The following TBCE variants were observed in gnomAD, a reference collection of about 807,000 sequenced individuals.
The protein encoded by TBCE is tubulin-specific chaperone E.
Under a neutral mutation model 77.0 loss-of-function variants are expected in TBCE, and 53 were observed. The observed-to-expected ratio is 0.69, with a 90% CI of 0.55 to 0.87. The LOEUF (loss-of-function observed/expected upper bound fraction) is 0.87. TBCE is among the 40% of genes least tolerant of loss of function. TBCE has a pLI of 0.00. For synonymous variants in TBCE, 235 were observed against 241.3 expected, an observed-to-expected ratio of 0.97 and a Z score of 0.24; for missense variants, 624 against 622.4, an observed-to-expected ratio of 1.00 and a Z score of -0.03.
At position 235,450,475 on chromosome 1, in the gene TBCE, A is replaced by C; in HGVS notation, c.*1713A>C. 1 of 1,155,410 alleles carries C rather than the reference A, an allele frequency of 8.7e-7. No homozygotes were observed. Among genetic ancestry groups the C allele is most frequent in the Admixed American group, 2.2e-5 (1 of 44,930 alleles). The allele number at this position is 1,155,410 out of a possible 1,614,324, so 71.6% of individuals were successfully genotyped here. On this transcript the variant is annotated 3_prime_UTR_variant, in exon 17 of 17. Coordinates refer to ENST00000642610, the MANE Select transcript of TBCE (RefSeq NM_003193.5). ...TCAAGGATAACTCCGTGTGTGGAACAACTGGTGAGGTTTGGGGGTGGCACC... is the reference window on the plus strand; with the variant it reads ...TCAAGGATAACTCCGTGTGTGGAACCACTGGTGAGGTTTGGGGGTGGCACC...
chr1:235,422,008 G>GGTCTCTGCCT lies in TBCE; in HGVS notation c.460+2457_460+2466dup, dbSNP rs1203717057. Among the ~76,000 whole-genome samples the GGTCTCTGCCT allele has an allele frequency of 2.6e-5, 4 of 152,188 alleles. No individual in the cohort carries two copies. In the South Asian group the frequency reaches 8.3e-4, roughly 31 times the overall value. On this transcript the variant is annotated intron_variant, in intron 5 of 16. Coordinates refer to ENST00000642610, the MANE Select transcript of TBCE (RefSeq NM_003193.5). ...TGTTGGGACCTGTGGTAGCTGCACA[G>GGTCTCTGCCT]GTCTCTGCCTGTCTCTGCCAGTCTC...
chr1:235,442,314 G>C (rs1231449853), intron 14 of TBCE, among the ~76,000 whole-genome samples: 1 of 152,172 alleles, frequency 6.6e-6, no homozygotes, highest in Non-Finnish European at 1.5e-5. Flanking sequence ...GGGATTACAG[G>C]CATGCGCCAC....
Position 235,424,193 on chromosome 1 carries a change from G to A in TBCE, c.461-2947G>A, listed in dbSNP as rs78291548. Among the ~76,000 whole-genome samples, 408 of 152,136 alleles carry A rather than the reference G, an allele frequency of 2.7e-3. 4 individuals are homozygous for A. Among genetic ancestry groups the A allele is most frequent in the African/African-American group, 9.0e-3 (375 of 41,498 alleles). On this transcript the variant is annotated intron_variant, in intron 5 of 16. Coordinates refer to ENST00000642610, the MANE Select transcript of TBCE (RefSeq NM_003193.5). ...ACAGCTCTGTGACTGCTGTGCCACC[G>A]TTTGTTCTGCTATGAGAAAGCAAAA...
chr1:235,370,549 C>CCT (rs1413688761), intron 1 of TBCE, among the ~76,000 whole-genome samples: 6 of 139,164 alleles, frequency 4.3e-5, no homozygotes, highest in African/African-American at 1.8e-4. Context: ...CTGCACCCGG[C>CCT]ATTTTTTTTT....
intron 2 of TBCE, among the ~76,000 whole-genome samples, chr1:235,392,484 C>T (rs966407843): frequency 9.0e-5 from 13 of 145,104 alleles, no homozygotes; most frequent in Non-Finnish European, 1.8e-4. Context: ...GATCTTGGCT[C>T]ACTGCAACCT....
At chr1:235,441,520 C>T (rs557194044) in intron 13 of TBCE, 60 of 419,306 alleles carry the variant, frequency 1.4e-4, no homozygotes, top group African/African-American at 1.1e-3. Flanking sequence ...TGATGTAATA[C>T]ACATGTAAAC....
In TBCE at chr1:235,382,988, T is replaced by G. The variant is rs1166333524; in HGVS notation, c.100+2839T>G. On this transcript the variant is annotated intron_variant, in intron 2 of 16. Transcript: ENST00000642610. ...TCTTTAATCCATCTTGAATTAATTT[T>G]TGTATAAGGTGTAAGGAAGGGATCC... Among the ~76,000 whole-genome samples the G allele has an allele frequency of 2.7e-5, 4 of 147,206 alleles. No individual in the cohort carries two copies. The East Asian group carries it at 7.9e-4, about 29-fold the overall frequency.
At chr1:235,409,525 A>G (rs142930432) in intron 3 of TBCE, among the ~76,000 whole-genome samples, 8 of 151,954 alleles carry the variant, frequency 5.3e-5, no homozygotes, top group Admixed American at 5.2e-4. Context: ...TTTCTGAGAA[A>G]CCTGCTGGAA....
Position 235,426,132 on chromosome 1 carries a change from C to T in TBCE, c.461-1008C>T, listed in dbSNP as rs1235048441. On this transcript the variant is annotated intron_variant, in intron 5 of 16. Transcript: ENST00000642610. Reference sequence around the variant, plus strand: ...AGTGTAGCTCCTCCAGTAGCTGGCCCGGTCCTGCTGCAAGCTCCTCTGTCT... The same window carrying T: ...AGTGTAGCTCCTCCAGTAGCTGGCCTGGTCCTGCTGCAAGCTCCTCTGTCT... Among the ~76,000 whole-genome samples, 3 of 152,156 alleles carry T rather than the reference C, an allele frequency of 2.0e-5. No homozygotes were observed. In the East Asian group the frequency reaches 5.8e-4, roughly 29 times the overall value.
intron 2 of TBCE, among the ~76,000 whole-genome samples, chr1:235,380,573 A>AC (rs1677575679): frequency 6.6e-6 from 1 of 151,744 alleles, no homozygotes. Context: ...TTTTTTTTAA[A>AC]CTTATTTTTT....
rs572878750 is a variant in TBCE, at chr1:235,427,180, A to C, written c.501A>C (p.Ser167=). 6.2e-7 allele frequency: 1 copy of C among 1,613,978 alleles called. No individual in the cohort carries two copies. The highest frequency in any genetic ancestry group is 1.7e-5 in the Admixed American group (1 of 60,000). Residue 167 remains serine, a synonymous_variant, in exon 6 of 17, where the codon TCA becomes TCC. Transcript: ENST00000642610. Reference sequence around the variant, plus strand: ...ATTTGTCAAAAAACCTGTTGTCATCATGGGATGAAGTGATACACATTGCTG... The same window carrying C: ...ATTTGTCAAAAAACCTGTTGTCATCCTGGGATGAAGTGATACACATTGCTG... ...KVDLSKNLLS[S]WDEVIHIADQ... is the part of the protein sequence containing the mutation.
intron 4 of TBCE, among the ~76,000 whole-genome samples, chr1:235,416,930 T>C (rs1680144568): frequency 6.6e-6 from 1 of 152,214 alleles, no homozygotes; most frequent in South Asian, 2.1e-4. Flanking sequence ...GCTTATTGTT[T>C]CTAAGCCTCA....
chr1:235,447,071 C>G (rs1388994698), intron 15 of TBCE, among the ~76,000 whole-genome samples: 1 of 152,160 alleles, frequency 6.6e-6, no homozygotes, highest in African/African-American at 2.4e-5. Context: ...CCCCTTCTCT[C>G]ACCAGCCTTC....
Position 235,448,965 on chromosome 1 carries a change from C to T in TBCE, c.*203C>T. The stretch of plus-strand genomic sequence containing the variant: ...AGCAATAATAAAGGCTTTGAACCTA[C>T]TAATGATTTTCTGATCTTATTTCAT... On this transcript the variant is annotated 3_prime_UTR_variant, in exon 17 of 17. Transcript: ENST00000642610. 1 of 502,618 alleles carries T rather than the reference C, an allele frequency of 2.0e-6. No individual in the cohort carries two copies. Among genetic ancestry groups the T allele is most frequent in the Non-Finnish European group, 3.6e-6 (1 of 276,308 alleles). 31.1% of individuals were successfully genotyped at this position (502,618 alleles called of 1,614,324 possible). A position where few individuals can be genotyped will look rare whatever the true frequency, so the allele number is the denominator to read the frequency against.
At chr1:235,421,245 A>T (rs77239834) in intron 5 of TBCE, among the ~76,000 whole-genome samples, 1 of 152,208 alleles carries the variant, frequency 6.6e-6, no homozygotes, top group African/African-American at 2.4e-5. Flanking sequence ...TGTCTCTATA[A>T]AAAATTAAAC....
At chr1:235,424,481 C>T (rs1220861352) in intron 5 of TBCE, among the ~76,000 whole-genome samples, 3 of 151,384 alleles carry the variant, frequency 2.0e-5, no homozygotes, top group South Asian at 4.2e-4. Flanking sequence ...CGTGCCACCA[C>T]GCTTGGCTGA....
chr1:235,432,529 C>T (rs1039259597), intron 7 of TBCE, among the ~76,000 whole-genome samples: 12 of 152,158 alleles, frequency 7.9e-5, no homozygotes, highest in East Asian at 1.9e-4. Flanking sequence ...CCTGCAATCC[C>T]AGCGCTTTGG....
intron 5 of TBCE, among the ~76,000 whole-genome samples, chr1:235,423,031 TAA>T (rs1680487256): frequency 6.6e-6 from 1 of 152,212 alleles, no homozygotes; most frequent in Non-Finnish European, 1.5e-5. Flanking sequence ...GATACAGTGA[TAA>T]ATGTCTTGCA....
intron 1 of TBCE, among the ~76,000 whole-genome samples, chr1:235,377,134 A>G (rs1677346799): frequency 6.6e-6 from 1 of 152,158 alleles, no homozygotes; most frequent in African/African-American, 2.4e-5. Flanking sequence ...ATTCAGCTCC[A>G]TTTTGAAAGT....
Sources: gnomAD v4.1 joint callset for allele counts (sites outside exome capture counted in the v4.1 genomes callset) on GRCh38, gnomAD v4.1.1 for gene constraint, MANE v1.5 for transcripts, NCBI Gene and HGNC (gene_info 2026-07-23, HGNC 2026-07-21) for gene names.